The following KRT17 variants were observed in gnomAD, a reference collection of about 807,000 sequenced individuals.
KRT17 encodes the protein keratin 17.
Under a neutral mutation model 45.6 loss-of-function variants are expected in KRT17, and 29 were observed. The observed-to-expected ratio is 0.64, with a 90% CI of 0.47 to 0.87. The LOEUF is 0.87. Among genes scored for constraint, KRT17 ranks in the 40% least tolerant of loss-of-function variants. KRT17 has a pLI of 0.00. For missense variants in KRT17, 536 were observed against 577.8 expected, an observed-to-expected ratio of 0.93 and a Z score of 0.74; for synonymous variants, 219 against 234.6, an observed-to-expected ratio of 0.93 and a Z score of 0.61.
intron 3 of KRT17, 32 bp downstream of exon 3, chr17:41,622,323 G>A (rs912567789): frequency 1.9e-6 from 3 of 1,611,902 alleles, no homozygotes; most frequent in South Asian, 2.2e-5. Context: ...CCACTCCTCA[G>A]CATCTTTGAC....
Position 41,624,203 on chromosome 17 carries a change from G to T in KRT17, c.307C>A (p.Arg103Ser). 1 of 1,612,698 alleles carries T rather than the reference G, an allele frequency of 6.2e-7. No individual in the cohort carries two copies. The highest frequency in any genetic ancestry group is 1.1e-5 in the South Asian group (1 of 91,016). Residue 103 changes from arginine (R) to serine (S), a missense_variant, in exon 1 of 8, where the codon CGT becomes AGT. Arg to Ser is a moderately radical substitution (Grantham distance 110, BLOSUM62 -1). Transcript: ENST00000311208. ...DRLASYLDKV[R>S]ALEEANTELE... is the part of the protein sequence containing the mutation. ...TCAGTGTTGGCCTCCTCCAGGGCAC[G>T]CACCTTGTCCAGGTAGGAGGCCAGG...
At position 41,620,846 on chromosome 17, in the gene KRT17, C is replaced by T; in HGVS notation, c.994G>A (p.Glu332Lys). ...GACAGCTGCACGCAGTAGCGGTTCT[C>T]TGTCTCCGCCAGGTTGCCCTCCAGG... ...ASLEGNLAET[E>K]NRYCVQLSQI... Residue 332 changes from glutamate (E) to lysine (K), a missense_variant, in exon 6 of 8, where the codon GAG (glutamate) becomes AAG (lysine). Glu to Lys is a moderately conservative substitution (Grantham distance 56). Coordinates refer to ENST00000311208, the MANE Select transcript of KRT17 (RefSeq NM_000422.3). 1 of 1,613,886 alleles carries T rather than the reference C, an allele frequency of 6.2e-7. No homozygotes were observed. The highest frequency in any genetic ancestry group is 1.1e-5 in the South Asian group (1 of 91,072).
intron 1 of KRT17, 99 bp downstream of exon 1, chr17:41,623,979 C>G: frequency 6.4e-7 from 1 of 1,569,846 alleles, no homozygotes; most frequent in Non-Finnish European, 8.8e-7. Context: ...CCCTTGGCTC[C>G]CTGAGACCCT....
In KRT17 at chr17:41,620,530, A is replaced by C. The variant is rs199861227; in HGVS notation, c.1204+6T>G. The C allele has an allele frequency of 6.5e-5, 104 of 1,611,556 alleles. 2 individuals carry two copies. In the East Asian group the frequency reaches 2.3e-3, roughly 36 times the overall value. On this transcript the variant is annotated splice_donor_region_variant and intron_variant, in intron 7 of 7. Coordinates refer to ENST00000311208, the MANE Select transcript of KRT17 (RefSeq NM_000422.3). The stretch of plus-strand genomic sequence containing the variant: ...CCCCCAGGGCCGAAGCCACGCAGAT[A>C]CTTACGTTCTTTCTTGTACTGAGTC...
At position 41,621,102 on chromosome 17, in the gene KRT17, G is replaced by A. The variant is rs764691145; in HGVS notation, c.835-11C>T. The A allele has an allele frequency of 1.9e-6, 3 of 1,613,646 alleles. No individual in the cohort carries two copies. The Admixed American group carries it at 5.0e-5, about 27-fold the overall frequency. ...GTTCAGTTCCTCTGTCTGCAGACAG[G>A]ACACAGGACAGGGCGGTGTGAGCCT... On this transcript the variant is annotated splice_polypyrimidine_tract_variant and intron_variant, in intron 4 of 7. Transcript: ENST00000311208.
At chr17:41,619,778 C>T (rs909207337) in intron 7 of KRT17, 90 bp from the exon 8 acceptor site, 2 of 1,598,864 alleles carry the variant, frequency 1.3e-6, no homozygotes, top group Admixed American at 1.7e-5. Context: ...CGGCTCTCTC[C>T]CTCATCCTCC....
In KRT17 at chr17:41,621,694, G is replaced by GA; in HGVS notation, c.732_733insT (p.Pro245SerfsTer14). 1.2e-6 allele frequency: 2 copies of GA among 1,612,226 alleles called. No individual in the cohort carries two copies. Among genetic ancestry groups the GA allele is most frequent in the Non-Finnish European group, 1.7e-6 (2 of 1,179,848 alleles). On this transcript the variant is annotated frameshift_variant, in exon 4 of 8. Coordinates refer to ENST00000311208, the MANE Select transcript of KRT17 (RefSeq NM_000422.3). LOFTEE classifies it high-confidence loss of function. ...AGGATGCGGCTCAGGTCCACGCCTG[G>GA]GGCAGCGTCCATCTCCACATTGATC...
intron 7 of KRT17, 85 bp downstream of exon 7, chr17:41,620,451 C>CT: frequency 6.2e-7 from 1 of 1,611,390 alleles, no homozygotes; most frequent in Non-Finnish European, 8.5e-7. Context: ...CCTGGAGCTC[C>CT]TGGGGACCCT....
At chr17:41,623,257 G>C in intron 1 of KRT17, 1 of 513,480 alleles carries the variant, frequency 1.9e-6, no homozygotes, top group Non-Finnish European at 3.7e-6. Flanking sequence ...TGGCAGGCTC[G>C]GCCTTAAAGG....
rs1421659364 is a variant in KRT17 at position 41,619,615 on chromosome 17, C to T, written c.1278G>A (p.Gln426=). 2 of 1,612,086 alleles carry T rather than the reference C, an allele frequency of 1.2e-6. No individual in the cohort carries two copies. Among genetic ancestry groups the T allele is most frequent in the African/African-American group, 2.7e-5 (2 of 74,860 alleles). ...QDGKVISSRE[Q]VHQTTR ...GTCCTCAGCGGGTGGTCTGGTGGAC[C>T]TGCTCGCGGGAGGAGATGACCTTGC... Residue 426 remains glutamine (Q), a synonymous_variant, in exon 8 of 8, where the codon CAG becomes CAA. Coordinates refer to ENST00000311208, the MANE Select transcript of KRT17 (RefSeq NM_000422.3).
In KRT17 at chr17:41,624,044, C is replaced by T. The variant is rs757010905; in HGVS notation, c.432+34G>A. 26 of 1,611,500 alleles carry T rather than the reference C, an allele frequency of 1.6e-5. No homozygotes were observed. The South Asian group carries it at 2.7e-4, about 17-fold the overall frequency. Reference sequence around the variant, plus strand: ...CAGGAGTTGGGGGGAAGAAGTCATGCCCCCCGGAGACCCCTCCCACCAGCA... The same window carrying T: ...CAGGAGTTGGGGGGAAGAAGTCATGTCCCCCGGAGACCCCTCCCACCAGCA... On this transcript the variant is annotated intron_variant, in intron 1 of 7. Coordinates refer to ENST00000311208, the MANE Select transcript of KRT17 (RefSeq NM_000422.3).
At chr17:41,623,542 C>CTT (rs1908620525) in intron 1 of KRT17, among the ~76,000 whole-genome samples, 1 of 152,162 alleles carries the variant, frequency 6.6e-6, no homozygotes, top group Non-Finnish European at 1.5e-5. Flanking sequence ...TTGCTGAGCC[C>CTT]GTCTTAAGGG....
Position 41,619,574 on chromosome 17 carries a change from C to G in KRT17, c.*20G>C, listed in dbSNP as rs558586684. 6.2e-7 allele frequency: 1 copy of G among 1,611,910 alleles called. No individual in the cohort carries two copies. Among genetic ancestry groups the G allele is most frequent in the Non-Finnish European group, 8.5e-7 (1 of 1,179,890 alleles). The stretch of plus-strand genomic sequence containing the variant: ...GCTGCCTCCCTGCCTCCTGGGTGGC[C>G]GGCCGGGGTAGCTGAGTCCTCAGCG... On this transcript the variant is annotated 3_prime_UTR_variant, in exon 8 of 8. Transcript: ENST00000311208.
At chr17:41,621,509 C>T (rs1449307245) in intron 4 of KRT17, 84 bp downstream of exon 4, 5 of 1,547,198 alleles carry the variant, frequency 3.2e-6, no homozygotes, top group East Asian at 4.5e-5. Context: ...ACCTCCAAGA[C>T]ATCTGGCCGT....
rs141130122 is a variant in KRT17 at position 41,619,547 on chromosome 17, C to T, written c.*47G>A. Reference sequence around the variant, plus strand: ...GCCGGAGACTGTGGGGCAGATGGGGCGGCTGCCTCCCTGCCTCCTGGGTGG... The same window carrying T: ...GCCGGAGACTGTGGGGCAGATGGGGTGGCTGCCTCCCTGCCTCCTGGGTGG... On this transcript the variant is annotated 3_prime_UTR_variant, in exon 8 of 8. Transcript: ENST00000311208. 3.3e-4 allele frequency: 534 copies of T among 1,611,464 alleles called. 5 individuals are homozygous for T. The African/African-American group carries it at 6.4e-3, about 19-fold the overall frequency.
At position 41,624,544 on chromosome 17, in the gene KRT17, G is replaced by C; in HGVS notation, c.-35C>G. ...GGCAGGAGGCAGGCACACAGGAGAAGGGCTGGAGAGGAGAGGGGCCCCAAG... is the reference window on the plus strand; with the variant it reads ...GGCAGGAGGCAGGCACACAGGAGAACGGCTGGAGAGGAGAGGGGCCCCAAG... On this transcript the variant is annotated 5_prime_UTR_variant, in exon 1 of 8. Transcript: ENST00000311208. 1 of 1,595,136 alleles carries C rather than the reference G, an allele frequency of 6.3e-7. No homozygotes were observed. The highest frequency in any genetic ancestry group is 8.6e-7 in the Non-Finnish European group (1 of 1,168,226).
intron 1 of KRT17, 110 bp from the exon 2 acceptor site, chr17:41,623,142 C>T: frequency 1.2e-6 from 1 of 841,442 alleles, no homozygotes; most frequent in Admixed American, 1.9e-5. Flanking sequence ...CCAGCCCCTC[C>T]CTTGCCCCGT....
In KRT17 at chr17:41,619,768, C is replaced by T. The variant is rs371970079; in HGVS notation, c.1205-80G>A. The stretch of plus-strand genomic sequence containing the variant: ...CCCCCTAGCCCTCATGGACAGGAGC[C>T]GGCTCTCTCCCTCATCCTCCCCCAG... On this transcript the variant is annotated intron_variant, in intron 7 of 7. Transcript: ENST00000311208. 85 of 1,605,044 alleles carry T rather than the reference C, an allele frequency of 5.3e-5. No homozygotes were observed. In the Admixed American group the frequency reaches 5.4e-4, roughly 10 times the overall value.
chr17:41,621,125 C>A, intron 4 of KRT17, 34 bp from the exon 5 acceptor site: 1 of 1,612,718 alleles, frequency 6.2e-7, no homozygotes, highest in Non-Finnish European at 8.5e-7. Flanking sequence ...GCGGTGTGAG[C>A]CTGGATCCCT....
Sources: allele counts gnomAD v4.1 joint callset (sites outside exome capture counted in the v4.1 genomes callset), GRCh38; gene constraint gnomAD v4.1.1; transcripts MANE v1.5; gene names NCBI Gene and HGNC (gene_info 2026-07-23, HGNC 2026-07-21).